NTM: variants seen among roughly 807,000 people sequenced by gnomAD.
NTM encodes the protein IgLON family member 2.
Under a neutral mutation model 42.1 loss-of-function variants are expected in NTM, and 13 were observed. The observed-to-expected ratio is 0.31, with a 90% CI of 0.20 to 0.49. NTM has a LOEUF of 0.49. Among genes scored for constraint, NTM ranks in the 20% least tolerant of loss-of-function variants. The pLI is 0.99. For missense variants in NTM, 373 were observed against 452.8 expected (o/e 0.82, Z 1.60); for synonymous variants, 187 against 179.2 (o/e 1.04, Z -0.35).
intron 5 of NTM, 121 bp downstream of exon 5, chr11:132,307,944 A>G: frequency 1.2e-6 from 1 of 831,986 alleles, no homozygotes; most frequent in Non-Finnish European, 1.8e-6. Flanking sequence ...ATGCAGCACC[A>G]CTTTCCACAC....
chr11:131,591,287 C>T (rs2059344201), intron 1 of NTM, among the ~76,000 whole-genome samples: 1 of 152,190 alleles, frequency 6.6e-6, no homozygotes, highest in Non-Finnish European at 1.5e-5. Flanking sequence ...GGGGGGCCCT[C>T]CTGGGGGGCC....
chr11:132,088,507 C>A (rs900746529), intron 2 of NTM, among the ~76,000 whole-genome samples: 2 of 152,068 alleles, frequency 1.3e-5, no homozygotes, highest in African/African-American at 2.4e-5. Flanking sequence ...GAAAAGAAAG[C>A]TGTCAACAAA....
chr11:131,708,711 A>G (rs772192401), intron 1 of NTM, among the ~76,000 whole-genome samples: 15 of 152,226 alleles, frequency 9.9e-5, no homozygotes, highest in Non-Finnish European at 2.1e-4. Context: ...TGAAAAATAT[A>G]TTGAGGGCCT....
chr11:131,577,219 C>A (rs2058018224), intron 1 of NTM, among the ~76,000 whole-genome samples: 1 of 152,050 alleles, frequency 6.6e-6, no homozygotes, highest in South Asian at 2.1e-4. Context: ...TTTGAACATA[C>A]CTTGTAGCTA....
chr11:132,025,789 A>G (rs1484334224), intron 2 of NTM, among the ~76,000 whole-genome samples: 1 of 152,218 alleles, frequency 6.6e-6, no homozygotes, highest in Non-Finnish European at 1.5e-5. Context: ...GTTCTCTGTG[A>G]AAATAGATTT....
At position 131,902,512 on chromosome 11, in the gene NTM, C is replaced by T. The variant is rs2053321664; in HGVS notation, c.83-9052C>T. 2.0e-5 allele frequency among the ~76,000 whole-genome samples: 3 copies of T among 152,190 alleles called. No individual in the cohort carries two copies. In the South Asian group the frequency reaches 6.2e-4, roughly 31 times the overall value. On this transcript the variant is annotated intron_variant, in intron 1 of 8. Transcript: ENST00000683400. ...TTTTAGTCTCATCCAGTTCCTGCTT[C>T]CCCAAGGAAAGTTCAGATTCTGTGC... is the stretch of plus-strand genomic sequence containing the variant.
In NTM at chr11:131,759,801, C is replaced by A. The variant is rs115910635; in HGVS notation, c.83-151763C>A. ...TGCTGAAATTGATAATCTAGGAAGC[C>A]AGAATCCATTGAAATCTTGATCCCA... On this transcript the variant is annotated intron_variant, in intron 1 of 8. Coordinates refer to ENST00000683400, the MANE Select transcript of NTM (RefSeq NM_001352005.2). Among the ~76,000 whole-genome samples the A allele has an allele frequency of 8.2e-3, 1,251 of 151,936 alleles. 11 individuals carry two copies. Among genetic ancestry groups the A allele is most frequent in the African/African-American group, 0.027 (1,137 of 41,394 alleles).
chr11:132,266,948 G>A (rs918488152), intron 4 of NTM, among the ~76,000 whole-genome samples: 3 of 152,296 alleles, frequency 2.0e-5, no homozygotes, highest in Non-Finnish European at 4.4e-5. Flanking sequence ...AGCATTAGAG[G>A]TTGTTAGTCC....
At chr11:131,671,740 A>G (rs2070290934) in intron 1 of NTM, among the ~76,000 whole-genome samples, 1 of 152,222 alleles carries the variant, frequency 6.6e-6, no homozygotes. Context: ...GGTCGATCAA[A>G]GAAGTGGCAT....
intron 2 of NTM, 88 bp downstream of exon 2, chr11:131,911,736 C>A: frequency 6.5e-7 from 1 of 1,534,882 alleles, no homozygotes; most frequent in Non-Finnish European, 8.9e-7. Context: ...CTGAGGCGTG[C>A]CTGGGTTGGC....
chr11:131,578,746 G>A (rs1322391843), intron 1 of NTM, among the ~76,000 whole-genome samples: 3 of 152,134 alleles, frequency 2.0e-5, no homozygotes, highest in African/African-American at 4.8e-5. Context: ...CTCCCTCATA[G>A]GGTGATGGTG....
chr11:131,468,643 A>G (rs2136161862), intron 1 of NTM, among the ~76,000 whole-genome samples: 1 of 152,240 alleles, frequency 6.6e-6, no homozygotes, highest in Non-Finnish European at 1.5e-5. Flanking sequence ...CTACAAATTC[A>G]CTCTCCTGAA....
chr11:132,111,941 G>A (rs2063264638), intron 2 of NTM, among the ~76,000 whole-genome samples: 1 of 152,242 alleles, frequency 6.6e-6, no homozygotes, highest in Non-Finnish European at 1.5e-5. Context: ...TTCTCGCATA[G>A]GCGTTTGGCA....
chr11:131,496,499 G>A (rs1017731266), intron 1 of NTM, among the ~76,000 whole-genome samples: 14 of 152,220 alleles, frequency 9.2e-5, no homozygotes, highest in African/African-American at 1.7e-4. Context: ...CGGCACAACC[G>A]CAGCCAAATG....
At chr11:132,168,665 G>A (rs745994736) in intron 3 of NTM, among the ~76,000 whole-genome samples, 1 of 152,186 alleles carries the variant, frequency 6.6e-6, no homozygotes, top group East Asian at 1.9e-4. Context: ...TAAACCTTAA[G>A]TCCAGAGCAT....
intron 1 of NTM, among the ~76,000 whole-genome samples, chr11:131,775,349 G>A (rs147299888): frequency 1.1e-4 from 16 of 152,094 alleles, no homozygotes; most frequent in Admixed American, 2.0e-4. Context: ...CTTGGTTTTC[G>A]TTTTTGCTGT....
At chr11:131,583,088 C>A (rs908176944) in intron 1 of NTM, among the ~76,000 whole-genome samples, 1 of 152,222 alleles carries the variant, frequency 6.6e-6, no homozygotes, top group East Asian at 1.9e-4. Flanking sequence ...GCATCACTAA[C>A]CTATTTCCAC....
intron 2 of NTM, among the ~76,000 whole-genome samples, chr11:132,042,752 G>C (rs2077371804): frequency 6.6e-6 from 1 of 152,184 alleles, no homozygotes; most frequent in Non-Finnish European, 1.5e-5. Context: ...AGGCAGGGTA[G>C]AATAGATAGG....
chr11:132,298,569 T>C (rs1186596711), intron 4 of NTM, among the ~76,000 whole-genome samples: 1 of 150,536 alleles, frequency 6.6e-6, no homozygotes, highest in African/African-American at 2.5e-5. Context: ...ACCCACGTCA[T>C]GTTGTTATGG....
Sources: gnomAD v4.1 joint callset for allele counts (sites outside exome capture counted in the v4.1 genomes callset) on GRCh38, gnomAD v4.1.1 for gene constraint, MANE v1.5 for transcripts, NCBI Gene and HGNC (gene_info 2026-07-23, HGNC 2026-07-21) for gene names.